The following EBF4 variants were observed in gnomAD, a reference collection of about 807,000 sequenced individuals.
The protein encoded by EBF4 is EBF transcription factor 4.
EBF4 carries 34 observed loss-of-function variants against 67.1 expected under a neutral mutation model. The observed-to-expected ratio is 0.51, with a 90% confidence interval of 0.39 to 0.67. EBF4 has a LOEUF of 0.67. Ranked by LOEUF, EBF4 falls within the 30% of genes least tolerant of loss-of-function variation. The pLI is 0.00. For synonymous variants in EBF4, 387 were observed against 377.7 expected, an observed-to-expected ratio of 1.02 and a Z score of -0.29; for missense variants, 837 against 873.3, an observed-to-expected ratio of 0.96 and a Z score of 0.52.
intron 6 of EBF4, among the ~76,000 whole-genome samples, chr20:2,730,307 G>T (rs1053791919): frequency 2.6e-5 from 4 of 152,102 alleles, no homozygotes; most frequent in South Asian, 2.1e-4. Flanking sequence ...GATTCTGTTG[G>T]CAGTCCCTGT....
intron 6 of EBF4, among the ~76,000 whole-genome samples, chr20:2,710,708 C>G (rs1422010376): frequency 1.3e-5 from 2 of 152,216 alleles, no homozygotes; most frequent in Non-Finnish European, 2.9e-5. Flanking sequence ...TCTCCCACCT[C>G]TGTCTCCCAC....
At chr20:2,717,910 A>C (rs1253131658) in intron 6 of EBF4, among the ~76,000 whole-genome samples, 1 of 151,656 alleles carries the variant, frequency 6.6e-6, no homozygotes, top group African/African-American at 2.4e-5. Flanking sequence ...TCCTGGGTTC[A>C]AGTGATTCTC....
At chr20:2,714,106 C>T (rs1263068091) in intron 6 of EBF4, among the ~76,000 whole-genome samples, 4 of 152,000 alleles carry the variant, frequency 2.6e-5, no homozygotes, top group Non-Finnish European at 5.9e-5. Flanking sequence ...CAGTGGTTAC[C>T]GTAACTATTT....
chr20:2,755,387 T>C lies in EBF4; in HGVS notation c.1541-240T>C, dbSNP rs1185507829. On this transcript the variant is annotated intron_variant, in intron 14 of 16. Transcript: ENST00000609451. The surrounding 1 kb of genome is among the most constrained non-coding windows in gnomAD (Gnocchi z 4.7). Reference sequence around the variant, plus strand: ...TTGTTTTTTTTGAATGTTCTGGTTTTGCTTTTGTCTTTACCTGGTCTGGCC... The same window carrying C: ...TTGTTTTTTTTGAATGTTCTGGTTTCGCTTTTGTCTTTACCTGGTCTGGCC... The C allele has an allele frequency of 2.0e-6, 1 of 504,854 alleles. No individual in the cohort carries two copies. Among genetic ancestry groups the C allele is most frequent in the Non-Finnish European group, 3.5e-6 (1 of 287,442 alleles). The allele number at this position is 504,854 out of a possible 1,614,324, so 31.3% of individuals were successfully genotyped here.
intron 6 of EBF4, among the ~76,000 whole-genome samples, chr20:2,737,114 G>C (rs1327944549): frequency 1.3e-5 from 2 of 150,772 alleles, no homozygotes; most frequent in Non-Finnish European, 2.9e-5. Context: ...GCCGGGCGTG[G>C]TGGCGGGCGC....
intron 2 of EBF4, 69 bp downstream of exon 2, chr20:2,705,802 C>CACAG (rs2087447716): frequency 8.0e-7 from 1 of 1,243,024 alleles, no homozygotes; most frequent in East Asian, 2.6e-5. Context: ...CACACACACA[C>CACAG]ACACACACAC....
intron 6 of EBF4, among the ~76,000 whole-genome samples, chr20:2,727,597 G>A (rs2087762459): frequency 6.6e-6 from 1 of 152,146 alleles, no homozygotes; most frequent in African/African-American, 2.4e-5. Context: ...ACCTAGAAGT[G>A]GAATTGCTGA....
Position 2,705,799 on chromosome 20 carries a change from ACACACACACACACACAC to A in EBF4, c.294+67_294+83del. ...GGAACCCCCAACCACACACACACAC[ACACACACACACACACAC>A]ACACACACACACACACACACACTGG... On this transcript the variant is annotated intron_variant, in intron 2 of 16. Transcript: ENST00000609451. 1.8e-5 allele frequency: 20 copies of A among 1,112,824 alleles called. No homozygotes were observed. In the African/African-American group the frequency reaches 4.1e-4, roughly 23 times the overall value. 68.9% of individuals were successfully genotyped at this position (1,112,824 alleles called of 1,614,324 possible). A position where few individuals can be genotyped will look rare whatever the true frequency, so the allele number is the denominator to read the frequency against.
intron 6 of EBF4, among the ~76,000 whole-genome samples, chr20:2,713,729 G>A (rs1463312398): frequency 1.3e-5 from 2 of 152,190 alleles, no homozygotes; most frequent in African/African-American, 2.4e-5. Flanking sequence ...TTTAAGCTGG[G>A]TAAAGAGACG....
intron 6 of EBF4, among the ~76,000 whole-genome samples, chr20:2,729,984 C>A (rs1295766018): frequency 6.6e-6 from 1 of 152,200 alleles, no homozygotes; most frequent in African/African-American, 2.4e-5. Flanking sequence ...GGCAAGGACA[C>A]AGTCTTTGGC....
chr20:2,739,231 A>G lies in EBF4; in HGVS notation c.558-9318A>G, dbSNP rs1212155004. ...ATCACCCAGAGGATCCAAGTCCCGCATGATTTGGTCCCAACCCCAGGCCCC... is the reference window on the plus strand; with the variant it reads ...ATCACCCAGAGGATCCAAGTCCCGCGTGATTTGGTCCCAACCCCAGGCCCC... On this transcript the variant is annotated intron_variant, in intron 6 of 16. Coordinates refer to ENST00000609451, the Ensembl canonical transcript of EBF4. The surrounding 1 kb of genome is among the most constrained non-coding windows in gnomAD (Gnocchi z 4.5). Among the ~76,000 whole-genome samples, 4 of 151,952 alleles carry G rather than the reference A, an allele frequency of 2.6e-5. No individual in the cohort carries two copies. Among genetic ancestry groups the G allele is most frequent in the Non-Finnish European group, 4.4e-5 (3 of 67,992 alleles).
At chr20:2,717,703 GTTTTA>G (rs2087628465) in intron 6 of EBF4, among the ~76,000 whole-genome samples, 2 of 151,316 alleles carry the variant, frequency 1.3e-5, no homozygotes, top group Admixed American at 1.3e-4. Flanking sequence ...AACAAATACT[GTTTTA>G]TTTTATCTAT....
intron 14 of EBF4, among the ~76,000 whole-genome samples, chr20:2,754,068 C>T (rs185710218): frequency 7.4e-4 from 112 of 152,336 alleles, no homozygotes; most frequent in African/African-American, 2.6e-3. Flanking sequence ...CTGGGGTCTT[C>T]TGATTCAGCA....
chr20:2,749,336 C>T (rs1438086465), intron 7 of EBF4, 65 bp from the exon 8 acceptor site: 1 of 1,295,110 alleles, frequency 7.7e-7, no homozygotes, highest in African/African-American at 1.5e-5. Flanking sequence ...GCTGGTTCCC[C>T]ACCACATTCC....
intron 1 of EBF4, among the ~76,000 whole-genome samples, chr20:2,703,347 G>A (rs1018392726): frequency 6.6e-6 from 1 of 151,896 alleles, no homozygotes; most frequent in African/African-American, 2.4e-5. Context: ...GAGGCAGGAG[G>A]ATCGCTTAAG....
intron 14 of EBF4, 76 bp downstream of exon 14, chr20:2,752,621 C>T (rs1327814598): frequency 8.6e-7 from 1 of 1,165,476 alleles, no homozygotes; most frequent in Non-Finnish European, 1.1e-6. Context: ...CCCGCCCATC[C>T]CGGAGAGGTT....
intron 15 of EBF4, among the ~76,000 whole-genome samples, chr20:2,757,331 T>C (rs2088260135): frequency 6.6e-6 from 1 of 152,138 alleles, no homozygotes; most frequent in Admixed American, 6.6e-5. Flanking sequence ...CCCAGAAGCT[T>C]CTGAGAACTG....
chr20:2,744,352 A>G (rs562191773), intron 6 of EBF4, among the ~76,000 whole-genome samples: 9 of 152,108 alleles, frequency 5.9e-5, no homozygotes, highest in Non-Finnish European at 1.2e-4. Context: ...CTGTGCTCCA[A>G]TCAATCAATA....
intron 6 of EBF4, among the ~76,000 whole-genome samples, chr20:2,715,601 C>T (rs1298197744): frequency 3.9e-5 from 6 of 152,292 alleles, no homozygotes; most frequent in Non-Finnish European, 7.4e-5. Flanking sequence ...GAGTTTCTAT[C>T]GCTCCACATC....
Sources: gnomAD v4.1 joint callset for allele counts (sites outside exome capture counted in the v4.1 genomes callset) on GRCh38, gnomAD v4.1.1 for gene constraint, Gnocchi (gnomAD v3.1) non-coding constraint, MANE v1.5 for transcripts, NCBI Gene and HGNC (gene_info 2026-07-23, HGNC 2026-07-21) for gene names.